The following NUTM2F variants were observed in gnomAD, a reference collection of about 807,000 sequenced individuals.
The protein encoded by NUTM2F is family with sequence similarity 22, member F.
A neutral mutation model predicts 43.3 loss-of-function variants in NUTM2F; 22 were observed. That is an observed-to-expected ratio of 0.51 (90% CI 0.36 to 0.73). The LOEUF (loss-of-function observed/expected upper bound fraction) is 0.73. NUTM2F is among the 30% of genes least tolerant of loss of function. NUTM2F has a pLI of 0.00. For missense variants in NUTM2F, 488 were observed against 927.4 expected (o/e 0.53, Z 6.15); for synonymous variants, 202 against 389.0 (o/e 0.52, Z 5.66).
Position 94,325,719 on chromosome 9 carries a change from C to A in NUTM2F, c.232G>T (p.Ala78Ser), listed in dbSNP as rs762282751. 21 of 1,611,662 alleles carry A rather than the reference C, an allele frequency of 1.3e-5. No homozygotes were observed. Among genetic ancestry groups the A allele is most frequent in the Non-Finnish European group, 1.8e-5 (21 of 1,179,858 alleles). The change falls in exon 2 of 7, where the codon GCT (alanine) becomes TCT (serine). Residue 78 changes from alanine to serine, a missense_variant. By Grantham distance (99) the Ala-to-Ser change is moderately conservative. Transcript: ENST00000253262. Reference sequence around the variant, plus strand: ...CTCATCTGGACAAAGACGTTGGAAGCCCCGGCCCCACTCGGGCCGCGGCCA... The same window carrying A: ...CTCATCTGGACAAAGACGTTGGAAGACCCGGCCCCACTCGGGCCGCGGCCA... ...QDGRGPSGAG[A>S]SNVFVQMRTE...
intron 2 of NUTM2F, among the ~76,000 whole-genome samples, chr9:94,324,957 A>T (rs1206663125): frequency 3.4e-5 from 5 of 145,336 alleles, no homozygotes; most frequent in African/African-American, 1.3e-4. Context: ...ATTGCACTCC[A>T]GCCTGGGCAA....
intron 3 of NUTM2F, 21 bp downstream of exon 3, chr9:94,322,180 C>G (rs748791148): frequency 2.5e-6 from 4 of 1,611,846 alleles, no homozygotes; most frequent in Non-Finnish European, 3.4e-6. Context: ...ACGGGCCCTG[C>G]CCCCAGGACC....
At chr9:94,321,439 G>A (rs567390650) in intron 3 of NUTM2F, among the ~76,000 whole-genome samples, 1 of 150,350 alleles carries the variant, frequency 6.7e-6, no homozygotes, top group African/African-American at 2.4e-5. Flanking sequence ...AGAGCCCATG[G>A]CATCAATGGG....
Position 94,320,068 on chromosome 9 carries a change from C to A in NUTM2F, c.1368+140G>T. 5.3e-6 allele frequency: 4 copies of A among 760,140 alleles called. No homozygotes were observed. Among genetic ancestry groups the A allele is most frequent in the Non-Finnish European group, 8.5e-6 (4 of 468,192 alleles). The allele number at this position is 760,140 out of a possible 1,614,324, so 47.1% of individuals were successfully genotyped here. A position where few individuals can be genotyped will look rare whatever the true frequency, so the allele number is the denominator to read the frequency against. On this transcript the variant is annotated intron_variant, in intron 5 of 6. Coordinates refer to ENST00000253262, the MANE Select transcript of NUTM2F (RefSeq NM_017561.2). This position sits in a 1 kb window ranked among gnomAD's most constrained non-coding sequence, Gnocchi z 4.5. ...ACAAACACACAGCAACACACAGACA[C>A]ACACAGTCACATACACAGACACTCA...
rs537516220 is a variant in NUTM2F at position 94,325,852 on chromosome 9, G to C, written c.99C>G (p.Pro33=). The C allele has an allele frequency of 2.5e-6, 4 of 1,612,032 alleles. No homozygotes were observed. The East Asian group carries it at 8.9e-5, about 36-fold the overall frequency. ...GCGGCCTGTGTGCTGGGCCGGGAGC[G>C]GGTGTGGCAAAGGGCAGAGCCGTGA... The part of the protein sequence containing the change: ...SVFTALPFAT[P]APGPAHRPPL... Residue 33 remains proline (P), a synonymous_variant, in exon 2 of 7, where the codon CCC becomes CCG. Transcript: ENST00000253262.
intron 1 of NUTM2F, among the ~76,000 whole-genome samples, chr9:94,327,101 T>C (rs940045007): frequency 3.7e-4 from 45 of 121,474 alleles, no homozygotes; most frequent in African/African-American, 1.0e-3. Context: ...GATTTTCTTT[T>C]TTTTCTTTTT....
At chr9:94,323,758 A>T (rs1373959828) in intron 2 of NUTM2F, among the ~76,000 whole-genome samples, 3 of 152,150 alleles carry the variant, frequency 2.0e-5, no homozygotes, top group Non-Finnish European at 4.4e-5. Context: ...TTGACGGTGA[A>T]GATGCTAATA....
Position 94,322,211 on chromosome 9 carries a change from T to C in NUTM2F, c.832A>G (p.Met278Val), listed in dbSNP as rs1352113960. The change falls in exon 3 of 7, where the codon ATG (methionine) becomes GTG (valine). Residue 278 changes from methionine to valine, a missense_variant. Met to Val is a conservative substitution (Grantham distance 21, BLOSUM62 1). Transcript: ENST00000253262. The stretch of plus-strand genomic sequence containing the variant: ...GGACCCCAGACTCACTTTTCCGCCA[T>C]CTCGTAGAAGATCATCCGGTCAAAG... ...SNFDRMIFYE[M>V]AEKFLEFEAE... 3 of 1,611,964 alleles carry C rather than the reference T, an allele frequency of 1.9e-6. No individual in the cohort carries two copies. Among genetic ancestry groups the C allele is most frequent in the Non-Finnish European group, 2.5e-6 (3 of 1,179,862 alleles).
intron 3 of NUTM2F, among the ~76,000 whole-genome samples, chr9:94,321,457 G>A (rs1455092569): frequency 6.7e-6 from 1 of 149,364 alleles, no homozygotes; most frequent in Non-Finnish European, 1.5e-5. Flanking sequence ...GGGGCTTCCT[G>A]ACTCAAGTCA....
In NUTM2F at chr9:94,320,221, T is replaced by C; in HGVS notation, c.1355A>G (p.Asp452Gly). The change falls in exon 5 of 7, where the codon GAC becomes GGC. Residue 452 changes from aspartate to glycine, a missense_variant. Physicochemically the swap from Asp to Gly is moderately conservative, Grantham distance 94. Coordinates refer to ENST00000253262, the MANE Select transcript of NUTM2F (RefSeq NM_017561.2). This position sits in a 1 kb window ranked among gnomAD's most constrained non-coding sequence, Gnocchi z 4.5. ...AGGCAAGCCCACCTTGGTGACAAAG[T>C]CTTCCTGGGAACACAGCTTGTCAAT... The part of the protein sequence containing the change: ...SYIDKLCSQE[D>G]FVTKVEAVIH... The C allele has an allele frequency of 6.2e-7, 1 of 1,613,648 alleles. No homozygotes were observed. The highest frequency in any genetic ancestry group is 8.5e-7 in the Non-Finnish European group (1 of 1,179,830).
In NUTM2F at chr9:94,320,336, C is replaced by T. The variant is rs1564101191; in HGVS notation, c.1240G>A (p.Gly414Arg). ...ELLGSHPGDT[G>R]EPEGQREKGK... ...TTTTCCCGTTGTCCCTCAGGCTCCC[C>T]TGTGTCCCCAGGGTGAGACCCCAGC... The change falls in exon 5 of 7, where the codon GGG becomes AGG. Residue 414 changes from glycine (G) to arginine (R), a missense_variant. Transcript: ENST00000253262. This position sits in a 1 kb window ranked among gnomAD's most constrained non-coding sequence, Gnocchi z 4.5. 2 of 1,613,814 alleles carry T rather than the reference C, an allele frequency of 1.2e-6. No individual in the cohort carries two copies. The highest frequency in any genetic ancestry group is 1.1e-5 in the South Asian group (1 of 91,070).
chr9:94,327,124 G>C (rs1322031500), intron 1 of NUTM2F, among the ~76,000 whole-genome samples: 2 of 131,442 alleles, frequency 1.5e-5, no homozygotes, highest in Non-Finnish European at 3.3e-5. Flanking sequence ...TTTTTTTTGA[G>C]ACGGAGTCTC....
At position 94,320,465 on chromosome 9, in the gene NUTM2F, C is replaced by T. The variant is rs773225641; in HGVS notation, c.1111G>A (p.Ala371Thr). The T allele has an allele frequency of 2.6e-5, 42 of 1,609,050 alleles. 1 individual carries two copies. The highest frequency in any genetic ancestry group is 3.1e-5 in the Non-Finnish European group (36 of 1,177,496). ...TGGGGCCTGGGTGGTGGCAGGTGGG[C>T]GTTGGTCTCCGCTGGCCTCTGGGGC... ...PRPQRPAETN[A>T]HLPPPRPQRP... is the part of the protein sequence containing the mutation. Residue 371 changes from alanine (A) to threonine (T), a missense_variant, in exon 5 of 7, where the codon GCC (alanine) becomes ACC (threonine). Transcript: ENST00000253262. This position sits in a 1 kb window ranked among gnomAD's most constrained non-coding sequence, Gnocchi z 4.5.
In NUTM2F at chr9:94,321,181, C is replaced by T; in HGVS notation, c.894G>A (p.Trp298Ter). Residue 298 changes from tryptophan (W) to a stop codon, truncating the protein, a stop_gained, in exon 4 of 7, where the codon TGG becomes TGA. Coordinates refer to ENST00000253262, the MANE Select transcript of NUTM2F (RefSeq NM_017561.2). LOFTEE classifies it high-confidence loss of function. Reference sequence around the variant, plus strand: ...GAGGCAGGCTCTGGGGCCCCTTCATCCACTGCGATTTCTGAATCTGCATCT... The same window carrying T: ...GAGGCAGGCTCTGGGGCCCCTTCATTCACTGCGATTTCTGAATCTGCATCT... ...EEEMQIQKSQ[W>*]MKGPQSLPPP... The T allele has an allele frequency of 3.8e-6, 6 of 1,562,302 alleles. No homozygotes were observed. The South Asian group carries it at 7.0e-5, about 18-fold the overall frequency.
chr9:94,319,896 G>A lies in NUTM2F; in HGVS notation c.1369-167C>T, dbSNP rs1396858409. The stretch of plus-strand genomic sequence containing the variant: ...ACACGCACAGACCACAGACCTCGTA[G>A]CATACACACATACAGACAGAGACAC... On this transcript the variant is annotated intron_variant, in intron 5 of 6. Coordinates refer to ENST00000253262, the MANE Select transcript of NUTM2F (RefSeq NM_017561.2). 2.6e-5 allele frequency among the ~76,000 whole-genome samples: 4 copies of A among 151,998 alleles called. No individual in the cohort carries two copies. In the East Asian group the frequency reaches 7.7e-4, roughly 29 times the overall value.
intron 3 of NUTM2F, 60 bp downstream of exon 3, chr9:94,322,141 G>A: frequency 6.2e-7 from 1 of 1,608,600 alleles, no homozygotes; most frequent in Non-Finnish European, 8.5e-7. Flanking sequence ...CGGCCACCGG[G>A]CCTCTGTCAT....
rs753499614 is a variant in NUTM2F, at chr9:94,322,292, T to C, written c.751A>G (p.Met251Val). 83 of 1,611,898 alleles carry C rather than the reference T, an allele frequency of 5.1e-5. No individual in the cohort carries two copies. Among genetic ancestry groups the C allele is most frequent in the Non-Finnish European group, 6.8e-5 (80 of 1,179,866 alleles). ...LRSLARRKPTMTLEEGLWQAM... is the reference protein window; with the variant it reads ...LRSLARRKPTVTLEEGLWQAM... ...TGCCACAGTCCCTCCTCCAGCGTCA[T>C]GGTGGGCTTCCGCCGGGCCAGGGAT... is the stretch of plus-strand genomic sequence containing the variant. Residue 251 changes from methionine (M) to valine (V), a missense_variant, in exon 3 of 7, where the codon ATG becomes GTG. Physicochemically the swap from Met to Val is conservative, Grantham distance 21. Coordinates refer to ENST00000253262, the MANE Select transcript of NUTM2F (RefSeq NM_017561.2).
intron 1 of NUTM2F, among the ~76,000 whole-genome samples, chr9:94,327,262 C>A (rs957667538): frequency 1.3e-5 from 2 of 151,886 alleles, no homozygotes; most frequent in African/African-American, 4.8e-5. Flanking sequence ...CGCCACCATG[C>A]CCAGCCAATT....
Position 94,325,859 on chromosome 9 carries a change from G to A in NUTM2F, c.92C>T (p.Ala31Val), listed in dbSNP as rs1442693401. ...GTGTGCTGGGCCGGGAGCGGGTGTG[G>A]CAAAGGGCAGAGCCGTGAACACAGA... Reference protein sequence around the residue: ...SLSVFTALPFATPAPGPAHRP... With the variant: ...SLSVFTALPFVTPAPGPAHRP... The change falls in exon 2 of 7, where the codon GCC becomes GTC. Residue 31 changes from alanine (A) to valine (V), a missense_variant. By Grantham distance (64) the Ala-to-Val change is moderately conservative. Transcript: ENST00000253262. 15 of 1,611,894 alleles carry A rather than the reference G, an allele frequency of 9.3e-6. No homozygotes were observed. The Admixed American group carries it at 2.3e-4, about 25-fold the overall frequency.
Sources: gnomAD v4.1 joint callset for allele counts (sites outside exome capture counted in the v4.1 genomes callset) on GRCh38, gnomAD v4.1.1 for gene constraint, Gnocchi (gnomAD v3.1) non-coding constraint, MANE v1.5 for transcripts, NCBI Gene and HGNC (gene_info 2026-07-23, HGNC 2026-07-21) for gene names.